Variants in PCCB observed in about 807,000 individuals in gnomAD.
The protein encoded by PCCB is propionyl-CoA carboxylase beta chain, mitochondrial.
PCCB carries 43 observed loss-of-function variants against 60.7 expected under a neutral mutation model. That is an observed-to-expected ratio of 0.71 (90% CI 0.55 to 0.91). The LOEUF (loss-of-function observed/expected upper bound fraction) is 0.91. PCCB is among the 40% of genes least tolerant of loss of function. The pLI is 0.00. For synonymous variants in PCCB, 276 were observed against 255.9 expected (o/e 1.08, Z -0.75); for missense variants, 766 against 702.8 (o/e 1.09, Z -1.02).
chr3:136,262,983 C>T (rs1244859434), intron 5 of PCCB, among the ~76,000 whole-genome samples: 7 of 133,168 alleles, frequency 5.3e-5, no homozygotes, highest in Non-Finnish European at 9.2e-5. Flanking sequence ...GAGACAGAGT[C>T]TGGCTCTGTC....
intron 5 of PCCB, among the ~76,000 whole-genome samples, chr3:136,268,350 G>C (rs996236089): frequency 4.0e-5 from 6 of 150,682 alleles, no homozygotes; most frequent in Non-Finnish European, 8.9e-5. Context: ...GTAAGGGTTT[G>C]TTTCTGAACT....
intron 10 of PCCB, among the ~76,000 whole-genome samples, chr3:136,325,916 C>T (rs1332994601): frequency 6.6e-6 from 1 of 152,016 alleles, no homozygotes; most frequent in Non-Finnish European, 1.5e-5. Flanking sequence ...CGGGTTCACA[C>T]CATTCTCCTG....
At chr3:136,263,647 T>A (rs1338778521) in intron 5 of PCCB, among the ~76,000 whole-genome samples, 1 of 152,134 alleles carries the variant, frequency 6.6e-6, no homozygotes, top group Non-Finnish European at 1.5e-5. Flanking sequence ...TAATGCTGCT[T>A]GTCATATTGA....
chr3:136,260,026 A>G, intron 3 of PCCB: 1 of 260,646 alleles, frequency 3.8e-6, no homozygotes, highest in Non-Finnish European at 7.4e-6. Flanking sequence ...TCTTGGGATT[A>G]CAGGTGCGAG....
intron 6 of PCCB, 23 bp downstream of exon 6, chr3:136,283,970 T>C: frequency 6.9e-7 from 1 of 1,443,772 alleles, no homozygotes; most frequent in South Asian, 1.1e-5. Context: ...GGCCTGTTTT[T>C]GGTGCCGTTT....
intron 9 of PCCB, among the ~76,000 whole-genome samples, chr3:136,312,686 C>T (rs1934715701): frequency 6.6e-6 from 1 of 152,118 alleles, no homozygotes; most frequent in African/African-American, 2.4e-5. Flanking sequence ...TCCTCTGAAA[C>T]CTTAGGGGAA....
chr3:136,311,093 C>A (rs1341387262), intron 9 of PCCB, among the ~76,000 whole-genome samples: 4 of 151,822 alleles, frequency 2.6e-5, no homozygotes, highest in African/African-American at 9.7e-5. Context: ...AAGAAGAGGA[C>A]CAATTAGAGA....
intron 4 of PCCB, 132 bp downstream of exon 4, chr3:136,260,667 C>A: frequency 1.3e-6 from 1 of 761,084 alleles, no homozygotes; most frequent in Non-Finnish European, 2.3e-6. Context: ...GTGCTACCAA[C>A]CCGAAGGGGT....
At chr3:136,262,148 T>C (rs1941845753) in intron 5 of PCCB, 83 bp downstream of exon 5, 2 of 846,010 alleles carry the variant, frequency 2.4e-6, no homozygotes, top group Non-Finnish European at 3.9e-6. Context: ...TCTCCAACTC[T>C]CCTCATTGTT....
At chr3:136,256,051 C>T in intron 2 of PCCB, 76 bp downstream of exon 2, 1 of 1,606,184 alleles carries the variant, frequency 6.2e-7, no homozygotes, top group Non-Finnish European at 8.5e-7. Flanking sequence ...AATAATAAAT[C>T]TATAAGGCTT....
intron 8 of PCCB, among the ~76,000 whole-genome samples, chr3:136,300,675 G>A (rs1273118027): frequency 1.3e-5 from 2 of 152,090 alleles, no homozygotes; most frequent in Non-Finnish European, 2.9e-5. Context: ...AAGTTGGGCT[G>A]GGCTCTCCCA....
chr3:136,278,285 G>A (rs1942384453), intron 5 of PCCB, among the ~76,000 whole-genome samples: 1 of 152,102 alleles, frequency 6.6e-6, no homozygotes, highest in African/African-American at 2.4e-5. Context: ...CTCACACTCT[G>A]GAGACTTACA....
At chr3:136,264,300 TC>T (rs1390269770) in intron 5 of PCCB, among the ~76,000 whole-genome samples, 4 of 151,848 alleles carry the variant, frequency 2.6e-5, no homozygotes, top group African/African-American at 9.7e-5. Context: ...AAATTTAACA[TC>T]GATTCATCGA....
chr3:136,307,702 G>A (rs537992645), intron 9 of PCCB, among the ~76,000 whole-genome samples: 29 of 152,244 alleles, frequency 1.9e-4, no homozygotes, highest in Middle Eastern at 3.4e-3. Flanking sequence ...CAGGCCAGGC[G>A]TGGTGGCTCA....
In PCCB at chr3:136,316,973, G is replaced by T. The variant is rs759299397; in HGVS notation, c.999G>T (p.Met333Ile). The T allele has an allele frequency of 1.2e-6, 2 of 1,613,942 alleles. No homozygotes were observed. The change falls in exon 10 of 15, where the codon ATG (methionine) becomes ATT (isoleucine). Residue 333 changes from methionine to isoleucine, a missense_variant. By Grantham distance (10) the Met-to-Ile change is conservative. Transcript: ENST00000251654. ...VVDEREFFEI[M>I]PNYAKNIIVG... ...ATGAGCGTGAATTTTTTGAGATCAT[G>T]CCCAATTATGCCAAGAACATCATTG...
Position 136,330,041 on chromosome 3 carries a change from A to G in PCCB, c.*15A>G, listed in dbSNP as rs1474231826. The G allele has an allele frequency of 3.1e-6, 5 of 1,614,022 alleles. No homozygotes were observed. The South Asian group carries it at 5.5e-5, about 18-fold the overall frequency. ...TTCCATTGTAAACAAATCAAAGGAA[A>G]AGAAACCAAGAACTGAATTACTGTC... On this transcript the variant is annotated 3_prime_UTR_variant, in exon 15 of 15. Coordinates refer to ENST00000251654, the MANE Select transcript of PCCB (RefSeq NM_000532.5).
intron 1 of PCCB, chr3:136,252,334 C>A (rs532342513): frequency 2.2e-6 from 1 of 455,342 alleles, no homozygotes; most frequent in Admixed American, 2.4e-5. Flanking sequence ...GCAACTTCTG[C>A]TTCCCAGCTT....
intron 9 of PCCB, among the ~76,000 whole-genome samples, chr3:136,308,795 G>C (rs970987259): frequency 6.6e-6 from 1 of 152,106 alleles, no homozygotes; most frequent in Non-Finnish European, 1.5e-5. Flanking sequence ...GTAGCCTCCA[G>C]CCGGGAAATA....
chr3:136,267,108 C>G (rs1464301019), intron 5 of PCCB, among the ~76,000 whole-genome samples: 2 of 152,208 alleles, frequency 1.3e-5, no homozygotes, highest in Non-Finnish European at 1.5e-5. Flanking sequence ...TGGTCTTGAA[C>G]TCCTGAGCTC....
Sources: gnomAD v4.1 joint callset for allele counts (sites outside exome capture counted in the v4.1 genomes callset) on GRCh38, gnomAD v4.1.1 for gene constraint, MANE v1.5 for transcripts, NCBI Gene and HGNC (gene_info 2026-07-23, HGNC 2026-07-21) for gene names.